The following PPARGC1A variants were observed in gnomAD, a reference collection of about 807,000 sequenced individuals.
PPARGC1A encodes PPARG coactivator 1 alpha.
Under a neutral mutation model 88.7 loss-of-function variants are expected in PPARGC1A, and 25 were observed. The observed-to-expected ratio is 0.28, with a 90% CI of 0.21 to 0.39. The LOEUF (loss-of-function observed/expected upper bound fraction) is 0.39, where lower values mean the gene tolerates loss of function less well. Among genes scored for constraint, PPARGC1A ranks in the 10% least tolerant of loss-of-function variants. PPARGC1A has a pLI of 1.00. For synonymous variants in PPARGC1A, 363 were observed against 355.6 expected (o/e 1.02, Z -0.24); for missense variants, 880 against 968.7 (o/e 0.91, Z 1.22).
chr4:23,983,780 C>A, the PPARGC1A span, among the ~76,000 whole-genome samples: 15 of 152,074 alleles, frequency 9.9e-5, 1 homozygote, highest in South Asian at 2.5e-3. Context: ...GAAGAAAATT[C>A]TTCCTGGCCC....
the PPARGC1A span, among the ~76,000 whole-genome samples, chr4:23,989,886 C>T: frequency 6.6e-6 from 1 of 150,592 alleles, no homozygotes; most frequent in African/African-American, 2.4e-5. Flanking sequence ...ATTTTATCCC[C>T]ACCCCAAAAG....
the PPARGC1A span, among the ~76,000 whole-genome samples, chr4:24,406,152 A>G: frequency 6.6e-6 from 1 of 152,238 alleles, no homozygotes; most frequent in Non-Finnish European, 1.5e-5. Flanking sequence ...GTAAAATGTC[A>G]TCATGTTCTT....
At chr4:23,946,005 G>A in the PPARGC1A span, among the ~76,000 whole-genome samples, 6 of 152,144 alleles carry the variant, frequency 3.9e-5, no homozygotes, top group South Asian at 4.1e-4. Flanking sequence ...GCGACAGGCC[G>A]GACCCTCCCT....
chr4:24,376,962 G>T, the PPARGC1A span, among the ~76,000 whole-genome samples: 1 of 152,044 alleles, frequency 6.6e-6, no homozygotes, highest in Non-Finnish European at 1.5e-5. Context: ...TGGTCAAATG[G>T]CCTAACCTTT....
chr4:24,026,768 T>C, the PPARGC1A span, among the ~76,000 whole-genome samples: 2 of 152,064 alleles, frequency 1.3e-5, no homozygotes, highest in African/African-American at 2.4e-5. Context: ...GAGCAGGGTG[T>C]ATAGGAAAGC....
At chr4:24,171,765 T>C in the PPARGC1A span, among the ~76,000 whole-genome samples, 1 of 152,240 alleles carries the variant, frequency 6.6e-6, no homozygotes, top group Non-Finnish European at 1.5e-5. Context: ...GGCATTCCAT[T>C]TTATGGTATT....
chr4:23,812,655 C>T, intron 10 of PPARGC1A, 92 bp downstream of exon 10: 1 of 1,573,694 alleles, frequency 6.4e-7, no homozygotes. Flanking sequence ...AAAGACTTAG[C>T]TTTTGTTTAT....
the PPARGC1A span, among the ~76,000 whole-genome samples, chr4:24,262,868 C>T: frequency 6.6e-6 from 1 of 152,068 alleles, no homozygotes; most frequent in Non-Finnish European, 1.5e-5. Context: ...CCACACTGTC[C>T]TCAGGGCTGT....
At chr4:24,367,967 C>G in the PPARGC1A span, among the ~76,000 whole-genome samples, 1 of 152,192 alleles carries the variant, frequency 6.6e-6, no homozygotes. Flanking sequence ...TATCATCACT[C>G]TCCAACACAC....
chr4:24,117,074 T>C, the PPARGC1A span, among the ~76,000 whole-genome samples: 1 of 151,396 alleles, frequency 6.6e-6, no homozygotes, highest in South Asian at 2.1e-4. Context: ...AGAAAATACA[T>C]ATATTTTAGG....
chr4:24,040,155 C>T, the PPARGC1A span, among the ~76,000 whole-genome samples: 1 of 152,206 alleles, frequency 6.6e-6, no homozygotes, highest in Non-Finnish European at 1.5e-5. Flanking sequence ...CTGGGCTACA[C>T]ACTGACTAGG....
chr4:23,905,114 C>T (rs938336048), upstream of PPARGC1A, among the ~76,000 whole-genome samples: 11 of 152,170 alleles, frequency 7.2e-5, no homozygotes, highest in African/African-American at 2.7e-4. Context: ...TGGAAAGCCC[C>T]ACTCCCTAGT....
At chr4:23,875,143 T>C (rs1714428335) in intron 2 of PPARGC1A, among the ~76,000 whole-genome samples, 1 of 152,144 alleles carries the variant, frequency 6.6e-6, no homozygotes, top group Non-Finnish European at 1.5e-5. Context: ...TATCCCTCAA[T>C]AGGGAGACCT....
chr4:24,304,695 C>T, the PPARGC1A span, among the ~76,000 whole-genome samples: 14 of 152,212 alleles, frequency 9.2e-5, no homozygotes, highest in African/African-American at 3.4e-4. Flanking sequence ...CGAATCAGGA[C>T]ACTTTTGGGA....
chr4:23,795,922 G>T lies in PPARGC1A; in HGVS notation c.2297C>A (p.Ser766Ter). ...AGCAGGGTCAAAGTCATCTGAGTTT[G>T]AATCTGAAAAAAAACACAAGCCAGT... ...FFKSNYADLD[S>*]NSDDFDPAST... Residue 766 changes from serine to a stop codon, truncating the protein, a stop_gained, in exon 13 of 13, where the codon TCA becomes TAA. Coordinates refer to ENST00000264867, the MANE Select transcript of PPARGC1A (RefSeq NM_013261.5). LOFTEE classifies it high-confidence loss of function. The T allele has an allele frequency of 6.2e-7, 1 of 1,606,176 alleles. No individual in the cohort carries two copies. Among genetic ancestry groups the T allele is most frequent in the South Asian group, 1.1e-5 (1 of 89,936 alleles).
chr4:23,826,535 TACA>T lies in PPARGC1A; in HGVS notation c.757+1862_757+1864del, dbSNP rs1351601528. ...ACGTGATGTTCAGTGAGAAAAAAAT[TACA>T]ACACCTTAAGAAAGGTAATTTCAAT... On this transcript the variant is annotated intron_variant, in intron 5 of 12. Coordinates refer to ENST00000264867, the MANE Select transcript of PPARGC1A (RefSeq NM_013261.5). Among the ~76,000 whole-genome samples the T allele has an allele frequency of 2.6e-5, 4 of 152,122 alleles. No individual in the cohort carries two copies. In the East Asian group the frequency reaches 5.8e-4, roughly 22 times the overall value.
At chr4:23,926,669 T>A in the PPARGC1A span, among the ~76,000 whole-genome samples, 1 of 152,186 alleles carries the variant, frequency 6.6e-6, no homozygotes, top group Non-Finnish European at 1.5e-5. Context: ...CTACCTGAAA[T>A]CATTTCCCAA....
the PPARGC1A span, among the ~76,000 whole-genome samples, chr4:24,440,399 G>T: frequency 3.3e-5 from 5 of 152,214 alleles, no homozygotes; most frequent in Admixed American, 6.5e-5. Flanking sequence ...GAGCTGGGCT[G>T]AGGTTCAGCC....
the PPARGC1A span, among the ~76,000 whole-genome samples, chr4:24,267,292 G>GA: frequency 1.3e-5 from 2 of 152,128 alleles, no homozygotes; most frequent in Non-Finnish European, 2.9e-5. Context: ...AAGAGAGAGG[G>GA]ATGGTTATTT....
Sources: gnomAD v4.1 joint callset for allele counts (sites outside exome capture counted in the v4.1 genomes callset) on GRCh38, gnomAD v4.1.1 for gene constraint, MANE v1.5 for transcripts, NCBI Gene and HGNC (gene_info 2026-07-23, HGNC 2026-07-21) for gene names.